The following TENM4 variants were observed in gnomAD, a reference collection of about 807,000 sequenced individuals.
TENM4 encodes the protein teneurin transmembrane protein 4, also known as teneurin-4.
A neutral mutation model predicts 243.3 loss-of-function variants in TENM4; 82 were observed. That is an observed-to-expected ratio of 0.34 (90% CI 0.28 to 0.40). The LOEUF (loss-of-function observed/expected upper bound fraction) is 0.40. Ranked by LOEUF, TENM4 falls within the 10% of genes least tolerant of loss-of-function variation. TENM4 has a pLI of 1.00. For synonymous variants in TENM4, 1,412 were observed against 1,456.3 expected (o/e 0.97, Z 0.69); for missense variants, 3,138 against 3,673.3 (o/e 0.85, Z 3.77).
intron 3 of TENM4, among the ~76,000 whole-genome samples, chr11:79,200,551 G>A (rs1863718730): frequency 6.6e-6 from 1 of 152,234 alleles, no homozygotes; most frequent in Admixed American, 6.5e-5. Flanking sequence ...GGCCTTCCAG[G>A]CTTACTCCTC....
At chr11:78,780,434 A>G (rs1158232678) in intron 16 of TENM4, among the ~76,000 whole-genome samples, 1 of 152,180 alleles carries the variant, frequency 6.6e-6, no homozygotes, top group Non-Finnish European at 1.5e-5. Context: ...GAGGGTCCCA[A>G]TTATAAGTTC....
At chr11:79,361,647 C>G (rs1376213726) in intron 1 of TENM4, among the ~76,000 whole-genome samples, 2 of 151,996 alleles carry the variant, frequency 1.3e-5, no homozygotes. Flanking sequence ...CTGCAGAGAC[C>G]CTGAATGGCA....
chr11:79,143,807 T>C (rs1862341654), intron 4 of TENM4, among the ~76,000 whole-genome samples: 1 of 151,632 alleles, frequency 6.6e-6, no homozygotes, highest in Non-Finnish European at 1.5e-5. Flanking sequence ...TCAAAGTGGA[T>C]TAATGACTTA....
intron 19 of TENM4, 104 bp downstream of exon 19, chr11:78,756,701 C>G: frequency 9.1e-7 from 1 of 1,101,402 alleles, no homozygotes; most frequent in Non-Finnish European, 1.3e-6. Context: ...TGGATGCTCT[C>G]ACGTTCCTGG....
intron 19 of TENM4, among the ~76,000 whole-genome samples, chr11:78,753,376 T>C (rs1007260757): frequency 1.3e-5 from 2 of 152,206 alleles, no homozygotes; most frequent in African/African-American, 4.8e-5. Context: ...AAAGCCAGGA[T>C]TGTAACTCTG....
intron 1 of TENM4, among the ~76,000 whole-genome samples, chr11:79,316,111 A>G (rs1474470042): frequency 6.6e-6 from 1 of 152,212 alleles, no homozygotes; most frequent in Non-Finnish European, 1.5e-5. Context: ...TAATTCTGGG[A>G]CACTGGTGAT....
chr11:79,078,036 G>C (rs533899412), intron 4 of TENM4, among the ~76,000 whole-genome samples: 2 of 152,254 alleles, frequency 1.3e-5, no homozygotes, highest in East Asian at 3.9e-4. Context: ...ATGGGTTCCA[G>C]CAATATTTAT....
At position 79,009,523 on chromosome 11, in the gene TENM4, A is replaced by T. The variant is rs115157491; in HGVS notation, c.493+55215T>A. ...AATGGGGTAATAAATGCCATTTGTGAGGGGTTTGGCCCAACACCTGAGATT... is the reference window on the plus strand; with the variant it reads ...AATGGGGTAATAAATGCCATTTGTGTGGGGTTTGGCCCAACACCTGAGATT... On this transcript the variant is annotated intron_variant, in intron 6 of 33. Coordinates refer to ENST00000278550, the MANE Select transcript of TENM4 (RefSeq NM_001098816.3). 6.4e-3 allele frequency among the ~76,000 whole-genome samples: 968 copies of T among 152,274 alleles called. 7 individuals are homozygous for T. The highest frequency in any genetic ancestry group is 0.022 in the African/African-American group (930 of 41,554).
At chr11:78,836,086 G>A (rs1259105083) in intron 12 of TENM4, among the ~76,000 whole-genome samples, 3 of 152,210 alleles carry the variant, frequency 2.0e-5, no homozygotes, top group Non-Finnish European at 4.4e-5. Context: ...GGGGCAGTAT[G>A]GTGGCTCATG....
At chr11:79,400,242 T>C (rs1402821835) in intron 1 of TENM4, among the ~76,000 whole-genome samples, 1 of 151,984 alleles carries the variant, frequency 6.6e-6, no homozygotes, top group African/African-American at 2.4e-5. Context: ...ATTCAATGGT[T>C]AAATTTGCAG....
intron 6 of TENM4, among the ~76,000 whole-genome samples, chr11:79,048,049 G>A (rs1859702079): frequency 6.6e-6 from 1 of 152,068 alleles, no homozygotes; most frequent in Non-Finnish European, 1.5e-5. Context: ...GTCATACCTG[G>A]TACAATTTTT....
At chr11:78,785,047 CTGTTTTTGTTTTTTTTTTT>C (rs1025181118) in intron 16 of TENM4, among the ~76,000 whole-genome samples, 5 of 77,538 alleles carry the variant, frequency 6.4e-5, no homozygotes, top group African/African-American at 1.2e-4. Context: ...TTTTTTGTTT[CTGTTTTTGTTTTTTTTTTT>C]TGTTTTTGTT....
intron 1 of TENM4, chr11:79,422,225 T>C (rs1327097340): frequency 6.7e-6 from 1 of 148,776 alleles, no homozygotes; most frequent in Non-Finnish European, 1.5e-5. Flanking sequence ...AGGAGTACCA[T>C]ATTAAATCAC....
At chr11:79,194,857 C>G (rs952743946) in intron 3 of TENM4, among the ~76,000 whole-genome samples, 1 of 152,320 alleles carries the variant, frequency 6.6e-6, no homozygotes, top group East Asian at 1.9e-4. Context: ...TCCCCAAGAC[C>G]ATGGGAAAAA....
intron 1 of TENM4, among the ~76,000 whole-genome samples, chr11:79,359,153 C>G (rs1857548777): frequency 6.6e-6 from 1 of 152,010 alleles, no homozygotes; most frequent in Admixed American, 6.6e-5. Context: ...GTAGTCCTAG[C>G]TACTTGGGAG....
At position 79,018,546 on chromosome 11, in the gene TENM4, T is replaced by C. The variant is rs189700175; in HGVS notation, c.493+46192A>G. On this transcript the variant is annotated intron_variant, in intron 6 of 33. Transcript: ENST00000278550. Reference sequence around the variant, plus strand: ...TGATTATTTATAATGTGGCAGAAGATAGTTTTAAGATAAAGAAATGGAACT... The same window carrying C: ...TGATTATTTATAATGTGGCAGAAGACAGTTTTAAGATAAAGAAATGGAACT... Among the ~76,000 whole-genome samples the C allele has an allele frequency of 3.2e-3, 493 of 152,178 alleles. 1 individual carries two copies. The highest frequency in any genetic ancestry group is 0.01 in the Middle Eastern group (3 of 294).
At chr11:78,968,868 G>A (rs1044344310) in intron 6 of TENM4, among the ~76,000 whole-genome samples, 3 of 152,252 alleles carry the variant, frequency 2.0e-5, no homozygotes, top group African/African-American at 7.2e-5. Context: ...CATAGGGAAA[G>A]GGAGAGGCCT....
At chr11:78,991,068 A>G (rs572052990) in intron 6 of TENM4, among the ~76,000 whole-genome samples, 7 of 152,142 alleles carry the variant, frequency 4.6e-5, no homozygotes, top group Non-Finnish European at 1.0e-4. Flanking sequence ...CAGATGGCGC[A>G]TGGGGTGTCT....
At chr11:79,371,235 T>C (rs1179616591) in intron 1 of TENM4, among the ~76,000 whole-genome samples, 1 of 152,154 alleles carries the variant, frequency 6.6e-6, no homozygotes, top group African/African-American at 2.4e-5. Context: ...AGGAAAGCAA[T>C]GTGGCACTAC....
Sources: gnomAD v4.1 joint callset for allele counts (sites outside exome capture counted in the v4.1 genomes callset) on GRCh38, gnomAD v4.1.1 for gene constraint, MANE v1.5 for transcripts, NCBI Gene and HGNC (gene_info 2026-07-23, HGNC 2026-07-21) for gene names.